The following SCN1A variants were observed in gnomAD, a reference collection of about 807,000 sequenced individuals.
The protein encoded by SCN1A is sodium voltage-gated channel alpha subunit 1.
SCN1A carries 13 observed loss-of-function variants against 193.7 expected under a neutral mutation model. The ratio of observed to expected loss-of-function variants is 0.07; its 90% CI spans 0.04 to 0.11. SCN1A has a LOEUF of 0.11. SCN1A is among the 10% of genes least tolerant of loss of function. The pLI is 1.00. For missense variants in SCN1A, 1,432 were observed against 2,451.1 expected (o/e 0.58, Z 8.78); for synonymous variants, 781 against 843.6 (o/e 0.93, Z 1.29).
intron 19 of SCN1A, among the ~76,000 whole-genome samples, chr2:166,018,550 A>G (rs879659864): frequency 1.9e-4 from 29 of 152,008 alleles, no homozygotes; most frequent in Admixed American, 1.9e-3. Context: ...CTCTTACAGA[A>G]TTACTTTTTA....
At chr2:166,003,298 TAAG>T (rs1170284089) in intron 23 of SCN1A, among the ~76,000 whole-genome samples, 1 of 151,588 alleles carries the variant, frequency 6.6e-6, no homozygotes, top group Non-Finnish European at 1.5e-5. Context: ...AATTTTTGCA[TAAG>T]AAGCAAGACA....
In SCN1A at chr2:166,038,151, A is replaced by G; in HGVS notation, c.2590-19T>C. 1 of 1,555,146 alleles carries G rather than the reference A, an allele frequency of 6.4e-7. No homozygotes were observed. Among genetic ancestry groups the G allele is most frequent in the Non-Finnish European group, 8.8e-7 (1 of 1,132,330 alleles). Reference sequence around the variant, plus strand: ...CTCGCAGCTGGAAAATGAAAGATTAATATATATTTGTATGATTCTTAAAAG... The same window carrying G: ...CTCGCAGCTGGAAAATGAAAGATTAGTATATATTTGTATGATTCTTAAAAG... On this transcript the variant is annotated intron_variant, in intron 17 of 28. Coordinates refer to ENST00000674923, the MANE Select transcript of SCN1A (RefSeq NM_001165963.4).
chr2:166,044,668 T>TA (rs1697579371), intron 13 of SCN1A, among the ~76,000 whole-genome samples: 1 of 152,154 alleles, frequency 6.6e-6, no homozygotes, highest in African/African-American at 2.4e-5. Context: ...AAAAAAAACA[T>TA]AAAATCATAA....
intron 9 of SCN1A, among the ~76,000 whole-genome samples, chr2:166,050,635 A>ATG (rs1209081462): frequency 1.2e-5 from 1 of 83,232 alleles, no homozygotes. Context: ...ATATATATAT[A>ATG]TATGTGTGTA....
chr2:166,095,337 A>G (rs138795622), intron 2 of SCN1A, among the ~76,000 whole-genome samples: 4 of 152,300 alleles, frequency 2.6e-5, no homozygotes, highest in African/African-American at 9.6e-5. Context: ...ACTGTAATAG[A>G]ATAATGGTGA....
chr2:166,117,772 G>A (rs1486880341), intron 2 of SCN1A, among the ~76,000 whole-genome samples: 1 of 152,048 alleles, frequency 6.6e-6, no homozygotes, highest in Non-Finnish European at 1.5e-5. Flanking sequence ...CAAGGCAGGC[G>A]GATCACGAGA....
intron 21 of SCN1A, among the ~76,000 whole-genome samples, chr2:166,012,558 C>T (rs1473336140): frequency 6.7e-6 from 1 of 148,260 alleles, no homozygotes; most frequent in African/African-American, 2.5e-5. Flanking sequence ...GTGGCCATCC[C>T]AACTTGAAGT....
In SCN1A at chr2:166,042,577, A is replaced by G. The variant is rs142794189; in HGVS notation, c.2044-153T>C. 6.9e-4 allele frequency among the ~76,000 whole-genome samples: 105 copies of G among 152,356 alleles called. No homozygotes were observed. In the East Asian group the frequency reaches 0.02, roughly 28 times the overall value. ...GCAGATATTTCTGACTTATTGTATCATTAGCCTGGAATGTTCAAACTGTTA... is the reference window on the plus strand; with the variant it reads ...GCAGATATTTCTGACTTATTGTATCGTTAGCCTGGAATGTTCAAACTGTTA... On this transcript the variant is annotated intron_variant, in intron 14 of 28. Coordinates refer to ENST00000674923, the MANE Select transcript of SCN1A (RefSeq NM_001165963.4).
Position 166,042,389 on chromosome 2 carries a change from C to T in SCN1A, c.2079G>A (p.Arg693=). The change falls in exon 15 of 29, where the codon AGG becomes AGA. Residue 693 remains arginine (R), a synonymous_variant. Coordinates refer to ENST00000674923, the MANE Select transcript of SCN1A (RefSeq NM_001165963.4). ...CCATGGAAACGTGGAAAGAACTTGA[C>T]CTTCTCTTTCTCATTTCAGTTTCAG... ...TTTETEMRKR[R]SSSFHVSMDF... 1.2e-6 allele frequency: 2 copies of T among 1,613,844 alleles called. No homozygotes were observed. The highest frequency in any genetic ancestry group is 1.1e-5 in the South Asian group (1 of 91,084).
intron 2 of SCN1A, among the ~76,000 whole-genome samples, chr2:166,113,668 T>C (rs1353462370): frequency 6.6e-6 from 1 of 152,160 alleles, no homozygotes; most frequent in African/African-American, 2.4e-5. Context: ...AGGTTATTGC[T>C]AGAGGGCAAG....
intron 1 of SCN1A, among the ~76,000 whole-genome samples, chr2:166,138,163 A>G (rs546583650): frequency 1.3e-5 from 2 of 152,334 alleles, no homozygotes; most frequent in East Asian, 1.9e-4. Flanking sequence ...AACAGAGCAT[A>G]AAAGTTTGGA....
chr2:166,078,127 C>T (rs1685154501), intron 2 of SCN1A, among the ~76,000 whole-genome samples: 1 of 151,618 alleles, frequency 6.6e-6, no homozygotes, highest in Non-Finnish European at 1.5e-5. Flanking sequence ...ATAGAATGTA[C>T]AATACCAAGA....
chr2:165,990,115 A>G lies in SCN1A; in HGVS notation c.*1130T>C, dbSNP rs1688936660. On this transcript the variant is annotated 3_prime_UTR_variant, in exon 29 of 29. Transcript: ENST00000674923. ...ATATAAACATGCATTGATAGCATCCAAACTATCTATAAATGGTACAGAATA... is the reference window on the plus strand; with the variant it reads ...ATATAAACATGCATTGATAGCATCCGAACTATCTATAAATGGTACAGAATA... 1.3e-5 allele frequency: 2 copies of G among 152,628 alleles called. No homozygotes were observed. Among genetic ancestry groups the G allele is most frequent in the African/African-American group, 4.8e-5 (2 of 41,454 alleles). 9.5% of individuals were successfully genotyped at this position (152,628 alleles called of 1,614,324 possible).
rs2105835285 is a variant in SCN1A at position 166,042,365 on chromosome 2, C to A, written c.2103G>T (p.Met701Ile). Residue 701 changes from methionine to isoleucine, a missense_variant, in exon 15 of 29, where the codon ATG (methionine) becomes ATT (isoleucine). By Grantham distance (10) the Met-to-Ile change is conservative. Coordinates refer to ENST00000674923, the MANE Select transcript of SCN1A (RefSeq NM_001165963.4). ...KRRSSSFHVS[M>I]DFLEDPSQRQ... is the part of the protein sequence containing the mutation. ...TTTGGGAAGGATCTTCTAGAAAGTC[C>A]ATGGAAACGTGGAAAGAACTTGACC... 6.2e-7 allele frequency: 1 copy of A among 1,613,808 alleles called. No individual in the cohort carries two copies. The highest frequency in any genetic ancestry group is 1.1e-5 in the South Asian group (1 of 91,072).
At chr2:166,019,063 C>A (rs1693683300) in intron 19 of SCN1A, among the ~76,000 whole-genome samples, 1 of 152,034 alleles carries the variant, frequency 6.6e-6, no homozygotes, top group South Asian at 2.1e-4. Flanking sequence ...GCTGTAGATC[C>A]AGGAATTGGT....
At position 165,986,348 on chromosome 2, in the gene SCN1A, C is replaced by G. The variant is rs1040279005; in HGVS notation, c.*4897G>C. ...TGTGTTTGGAATTACTATTTATACC[C>G]ACAGTGTCTGGTCCCCAGCTTAAAC... On this transcript the variant is annotated 3_prime_UTR_variant, in exon 29 of 29. Transcript: ENST00000674923. 1 of 152,060 alleles carries G rather than the reference C, an allele frequency of 6.6e-6. No individual in the cohort carries two copies. Among genetic ancestry groups the G allele is most frequent in the African/African-American group, 2.4e-5 (1 of 41,400 alleles). The allele number at this position is 152,060 out of a possible 1,614,324, so 9.4% of individuals were successfully genotyped here. A position where few individuals can be genotyped will look rare whatever the true frequency, so the allele number is the denominator to read the frequency against.
chr2:166,044,074 AT>A, intron 13 of SCN1A, 25 bp from the exon 14 acceptor site: 1 of 1,613,154 alleles, frequency 6.2e-7, no homozygotes, highest in Non-Finnish European at 8.5e-7. Context: ...GAGCAAACAA[AT>A]AAAGTCATAT....
chr2:166,011,765 T>C (rs933671607), intron 22 of SCN1A, among the ~76,000 whole-genome samples: 1 of 151,122 alleles, frequency 6.6e-6, no homozygotes, highest in Non-Finnish European at 1.5e-5. Context: ...GGTCCTGGGA[T>C]ACAAACTTGA....
At chr2:166,122,713 T>C (rs938308252) in intron 2 of SCN1A, among the ~76,000 whole-genome samples, 3 of 152,000 alleles carry the variant, frequency 2.0e-5, no homozygotes, top group Non-Finnish European at 4.4e-5. Flanking sequence ...TCACATTATA[T>C]GCAAAAAGTT....
Sources: allele counts gnomAD v4.1 joint callset (sites outside exome capture counted in the v4.1 genomes callset), GRCh38; gene constraint gnomAD v4.1.1; transcripts MANE v1.5; gene names NCBI Gene and HGNC (gene_info 2026-07-23, HGNC 2026-07-21).